DMC1: variants seen among roughly 807,000 people sequenced by gnomAD.
DMC1 encodes DNA meiotic recombinase 1, also known as meiotic recombination protein DMC1 homolog.
A neutral mutation model predicts 50.1 loss-of-function variants in DMC1; 27 were observed. The observed-to-expected ratio is 0.54, with a 90% CI of 0.40 to 0.74. The LOEUF (loss-of-function observed/expected upper bound fraction) is 0.74, where lower values mean the gene tolerates loss of function less well. Ranked by LOEUF, DMC1 falls within the 30% of genes least tolerant of loss-of-function variation. DMC1 has a pLI of 0.00. For missense variants in DMC1, 295 were observed against 420.2 expected (o/e 0.70, Z 2.60); for synonymous variants, 148 against 136.1 (o/e 1.09, Z -0.61).
chr22:38,514,701 G>A (rs1453122041), downstream of DMC1, among the ~76,000 whole-genome samples: 1 of 152,102 alleles, frequency 6.6e-6, no homozygotes, highest in Non-Finnish European at 1.5e-5. Flanking sequence ...TAATTATAGT[G>A]CATTAGCATG....
At chr22:38,562,593 A>G (rs1156920701) in intron 4 of DMC1, among the ~76,000 whole-genome samples, 1 of 152,154 alleles carries the variant, frequency 6.6e-6, no homozygotes, top group East Asian at 1.9e-4. Flanking sequence ...GTTCTATGAT[A>G]TGGAGTAAAC....
intron 6 of DMC1, among the ~76,000 whole-genome samples, chr22:38,553,958 A>G (rs12157782): frequency 0.02 from 2,668 of 134,240 alleles, 64 homozygotes; most frequent in African/African-American, 0.074. Context: ...TCCATCTCCA[A>G]AAAAAAAAAA....
chr22:38,536,001 G>A (rs1271592748), intron 12 of DMC1, among the ~76,000 whole-genome samples: 3 of 150,764 alleles, frequency 2.0e-5, no homozygotes, highest in Non-Finnish European at 3.0e-5. Flanking sequence ...TGGGAGGATC[G>A]CTTGAGGCCA....
At chr22:38,542,667 A>C (rs1006940204) in intron 8 of DMC1, among the ~76,000 whole-genome samples, 1 of 152,202 alleles carries the variant, frequency 6.6e-6, no homozygotes, top group Non-Finnish European at 1.5e-5. Context: ...TCCTATCAAA[A>C]TACCAATGAC....
chr22:38,528,787 C>G (rs1227590837), intron 12 of DMC1, among the ~76,000 whole-genome samples: 3 of 152,032 alleles, frequency 2.0e-5, no homozygotes, highest in Non-Finnish European at 4.4e-5. Context: ...GTCTCAAAAA[C>G]TAAACTAAAC....
chr22:38,534,297 A>G (rs765878944), intron 12 of DMC1, among the ~76,000 whole-genome samples: 76 of 152,358 alleles, frequency 5.0e-4, no homozygotes, highest in Middle Eastern at 6.8e-3. Flanking sequence ...TATGTAGAAG[A>G]ACATCATTAT....
intron 6 of DMC1, among the ~76,000 whole-genome samples, chr22:38,553,269 C>T (rs566271872): frequency 8.1e-5 from 12 of 147,884 alleles, no homozygotes; most frequent in Admixed American, 6.7e-5. Context: ...GAGGCTGAGG[C>T]GGGTGGATCA....
the DMC1 span, among the ~76,000 whole-genome samples, chr22:38,510,138 G>A: frequency 5.1e-4 from 78 of 152,166 alleles, 1 homozygote; most frequent in East Asian, 0.015. Flanking sequence ...GAATTGGGGA[G>A]GTGGAGGTTG....
intron 8 of DMC1, among the ~76,000 whole-genome samples, chr22:38,545,245 C>A (rs900026329): frequency 4.0e-5 from 6 of 151,576 alleles, no homozygotes; most frequent in African/African-American, 1.5e-4. Context: ...CCTATCTCTA[C>A]CAAAAAAATA....
intron 12 of DMC1, among the ~76,000 whole-genome samples, chr22:38,530,357 G>A (rs1408603576): frequency 6.6e-6 from 1 of 151,982 alleles, no homozygotes; most frequent in East Asian, 1.9e-4. Flanking sequence ...AAAAAAAAAG[G>A]GTATGTTTAA....
chr22:38,521,163 C>T (rs1255274936), intron 13 of DMC1, among the ~76,000 whole-genome samples: 2 of 152,006 alleles, frequency 1.3e-5, no homozygotes, highest in Non-Finnish European at 2.9e-5. Flanking sequence ...AAACTGAAAC[C>T]TGAAAAACAA....
chr22:38,510,076 G>A, the DMC1 span, among the ~76,000 whole-genome samples: 7 of 152,020 alleles, frequency 4.6e-5, no homozygotes, highest in Non-Finnish European at 1.0e-4. Context: ...TTAGCTGGGC[G>A]TGATGGCGCA....
chr22:38,553,719 G>A (rs575639970), intron 6 of DMC1, among the ~76,000 whole-genome samples: 1 of 151,840 alleles, frequency 6.6e-6, no homozygotes, highest in Non-Finnish European at 1.5e-5. Context: ...AGCACTTTGG[G>A]AGGCCGAGGC....
intron 1 of DMC1, among the ~76,000 whole-genome samples, 166 bp downstream of exon 1, chr22:38,569,877 G>T (rs1050526678): frequency 6.6e-6 from 1 of 152,254 alleles, no homozygotes. Flanking sequence ...TGAAAATGAG[G>T]TTGGAAATCC....
chr22:38,549,812 A>T, intron 8 of DMC1, 113 bp downstream of exon 8: 1 of 793,996 alleles, frequency 1.3e-6, no homozygotes, highest in Non-Finnish European at 2.1e-6. Flanking sequence ...GGTTTGTCTC[A>T]TTACTACTGG....
intron 12 of DMC1, among the ~76,000 whole-genome samples, chr22:38,528,510 C>T (rs1242312529): frequency 6.6e-6 from 1 of 151,980 alleles, no homozygotes; most frequent in Non-Finnish European, 1.5e-5. Context: ...CAGTGGCTCA[C>T]GCTTGTAATC....
chr22:38,529,097 G>A (rs556029714), intron 12 of DMC1, among the ~76,000 whole-genome samples: 19 of 151,694 alleles, frequency 1.3e-4, no homozygotes, highest in East Asian at 9.7e-4. Flanking sequence ...CACAACCTCC[G>A]CCTCCCAGGT....
downstream of DMC1, among the ~76,000 whole-genome samples, chr22:38,517,588 A>C (rs2089984801): frequency 6.7e-6 from 1 of 150,330 alleles, no homozygotes; most frequent in Non-Finnish European, 1.5e-5. Flanking sequence ...AAACAAAACA[A>C]AAAACAAAAC....
At chr22:38,510,903 G>A in the DMC1 span, among the ~76,000 whole-genome samples, 2 of 152,170 alleles carry the variant, frequency 1.3e-5, no homozygotes, top group Non-Finnish European at 2.9e-5. Context: ...ACTTTTTTGA[G>A]CTTTGTGTTA....
Sources: gnomAD v4.1 joint callset for allele counts (sites outside exome capture counted in the v4.1 genomes callset) on GRCh38, gnomAD v4.1.1 for gene constraint, MANE v1.5 for transcripts, NCBI Gene and HGNC (gene_info 2026-07-23, HGNC 2026-07-21) for gene names.